COL25A1: variants seen among roughly 807,000 people sequenced by gnomAD.
COL25A1 encodes the protein collagen type XXV alpha 1 chain, also known as collagen alpha-1(XXV) chain.
A neutral mutation model predicts 128.4 loss-of-function variants in COL25A1; 103 were observed. That is an observed-to-expected ratio of 0.80 (90% CI 0.68 to 0.94). The LOEUF (loss-of-function observed/expected upper bound fraction) is 0.94. COL25A1 is among the 40% of genes least tolerant of loss of function. COL25A1 has a pLI of 0.00. For synonymous variants in COL25A1, 279 were observed against 277.2 expected, an observed-to-expected ratio of 1.01 and a Z score of -0.06; for missense variants, 745 against 840.0, an observed-to-expected ratio of 0.89 and a Z score of 1.40.
At chr4:109,300,342 C>T (rs550846482) in intron 3 of COL25A1, among the ~76,000 whole-genome samples, 4 of 152,122 alleles carry the variant, frequency 2.6e-5, no homozygotes, top group Non-Finnish European at 5.9e-5. Context: ...CATCACCTTG[C>T]CTATATTTTC....
chr4:108,977,923 A>G (rs1320453095), intron 6 of COL25A1, among the ~76,000 whole-genome samples: 6 of 152,278 alleles, frequency 3.9e-5, no homozygotes, highest in East Asian at 1.9e-4. Flanking sequence ...TTTGCCAGTG[A>G]GATTTCACAG....
At chr4:109,058,704 C>A (rs752989849) in intron 3 of COL25A1, among the ~76,000 whole-genome samples, 1 of 152,188 alleles carries the variant, frequency 6.6e-6, no homozygotes, top group Admixed American at 6.5e-5. Context: ...ACACCACAAG[C>A]TTTTGCCAAA....
chr4:108,895,650 T>G (rs909721996), intron 16 of COL25A1, among the ~76,000 whole-genome samples: 4 of 152,170 alleles, frequency 2.6e-5, no homozygotes, highest in African/African-American at 9.7e-5. Context: ...GAATTTGAAT[T>G]GAGGTAAATT....
chr4:109,152,041 A>C (rs1771551549), intron 3 of COL25A1, among the ~76,000 whole-genome samples: 1 of 152,106 alleles, frequency 6.6e-6, no homozygotes, highest in Non-Finnish European at 1.5e-5. Context: ...GTACAACTTC[A>C]ATTCTTCAGA....
intron 8 of COL25A1, among the ~76,000 whole-genome samples, chr4:108,970,008 T>G (rs935356605): frequency 6.6e-6 from 1 of 152,116 alleles, no homozygotes; most frequent in East Asian, 1.9e-4. Context: ...TTCAAGTGAT[T>G]CTCCTGCCTC....
At position 109,213,529 on chromosome 4, in the gene COL25A1, C is replaced by G. The variant is rs547094636; in HGVS notation, c.367+87054G>C. ...GCCCAAACATCCCAATGGGGAGGAC[C>G]ATGTGGGGAGGAACTGAGAAGCCTG... On this transcript the variant is annotated intron_variant, in intron 3 of 37. Transcript: ENST00000399132. 4.6e-5 allele frequency among the ~76,000 whole-genome samples: 7 copies of G among 152,204 alleles called. No homozygotes were observed. In the East Asian group the frequency reaches 1.4e-3, roughly 29 times the overall value.
intron 3 of COL25A1, among the ~76,000 whole-genome samples, chr4:109,058,374 T>G (rs1020105920): frequency 6.6e-6 from 1 of 152,144 alleles, no homozygotes; most frequent in Non-Finnish European, 1.5e-5. Context: ...TTACATGCTA[T>G]GTAACAAGAG....
chr4:108,995,679 G>C (rs1363206689), intron 6 of COL25A1, among the ~76,000 whole-genome samples: 1 of 152,138 alleles, frequency 6.6e-6, no homozygotes, highest in Non-Finnish European at 1.5e-5. Context: ...GATTCACCAA[G>C]GTTGAAATGA....
At position 109,068,651 on chromosome 4, in the gene COL25A1, G is replaced by A. The variant is rs539016711; in HGVS notation, c.368-18472C>T. ...AATATGTTCTGGTGCTTATAAGCCT[G>A]GATTATAATTCTATCACCACTAAAT... On this transcript the variant is annotated intron_variant, in intron 3 of 37. Coordinates refer to ENST00000399132, the MANE Select transcript of COL25A1 (RefSeq NM_198721.4). 1.3e-3 allele frequency among the ~76,000 whole-genome samples: 196 copies of A among 152,214 alleles called. No individual in the cohort carries two copies. The Middle Eastern group carries it at 0.027, about 21-fold the overall frequency.
At chr4:108,948,583 G>C (rs1042859320) in intron 8 of COL25A1, among the ~76,000 whole-genome samples, 3 of 151,580 alleles carry the variant, frequency 2.0e-5, no homozygotes, top group African/African-American at 7.3e-5. Context: ...AATTTTACAA[G>C]TTATTTGAAT....
chr4:108,949,107 T>C (rs1484389074), intron 8 of COL25A1, among the ~76,000 whole-genome samples: 2 of 152,040 alleles, frequency 1.3e-5, no homozygotes, highest in Non-Finnish European at 2.9e-5. Flanking sequence ...ACACAGAATA[T>C]AGGGAAGAAA....
chr4:108,958,569 C>T (rs934648178), intron 8 of COL25A1, among the ~76,000 whole-genome samples: 3 of 151,510 alleles, frequency 2.0e-5, no homozygotes, highest in East Asian at 1.9e-4. Flanking sequence ...ATTTAGAGTC[C>T]CATTTTTCCT....
At chr4:109,238,853 G>A (rs1309254675) in intron 3 of COL25A1, among the ~76,000 whole-genome samples, 1 of 151,964 alleles carries the variant, frequency 6.6e-6, no homozygotes, top group African/African-American at 2.4e-5. Flanking sequence ...ATGAAGCCCA[G>A]CATTTCTCTG....
At chr4:108,920,493 A>G (rs1745371621) in intron 12 of COL25A1, 85 bp downstream of exon 12, 2 of 977,382 alleles carry the variant, frequency 2.0e-6, no homozygotes, top group South Asian at 1.8e-5. Flanking sequence ...CATGGCTTAC[A>G]GTAGCTAATT....
intron 3 of COL25A1, among the ~76,000 whole-genome samples, chr4:109,161,832 G>C (rs1772608190): frequency 1.3e-5 from 2 of 152,202 alleles, no homozygotes; most frequent in Admixed American, 6.5e-5. Flanking sequence ...AAGAGGAGAA[G>C]TGCCTGAGAT....
chr4:108,908,198 C>T (rs1322820788), intron 13 of COL25A1, among the ~76,000 whole-genome samples: 1 of 152,176 alleles, frequency 6.6e-6, no homozygotes, highest in African/African-American at 2.4e-5. Flanking sequence ...GTGGTTCAGT[C>T]AATTCTTCAC....
chr4:109,113,742 AC>A (rs1296151998), intron 3 of COL25A1, among the ~76,000 whole-genome samples: 1 of 152,090 alleles, frequency 6.6e-6, no homozygotes, highest in Non-Finnish European at 1.5e-5. Context: ...CATGAGCACT[AC>A]ATATTTTCGT....
chr4:109,270,913 T>C (rs1782149962), intron 3 of COL25A1, among the ~76,000 whole-genome samples: 1 of 152,182 alleles, frequency 6.6e-6, no homozygotes, highest in African/African-American at 2.4e-5. Flanking sequence ...TGGGCCAGCA[T>C]TGTGCTAGAA....
At chr4:109,126,693 G>A (rs76898409) in intron 3 of COL25A1, among the ~76,000 whole-genome samples, 1,898 of 152,004 alleles carry the variant, frequency 0.012, 49 homozygotes, top group African/African-American at 0.044. Flanking sequence ...ACCACCTCTC[G>A]AGAAACTTCT....
Sources: allele counts gnomAD v4.1 joint callset (sites outside exome capture counted in the v4.1 genomes callset), GRCh38; gene constraint gnomAD v4.1.1; transcripts MANE v1.5; gene names NCBI Gene and HGNC (gene_info 2026-07-23, HGNC 2026-07-21).